CDT1: variants seen among roughly 807,000 people sequenced by gnomAD.
CDT1 encodes the protein chromatin licensing and DNA replication factor 1.
CDT1 carries 66 observed loss-of-function variants against 49.3 expected under a neutral mutation model. The ratio of observed to expected loss-of-function variants is 1.34; its 90% CI spans 1.10 to 1.64. CDT1 has a LOEUF of 1.64. Ranked by LOEUF, CDT1 falls within the 40% of genes most tolerant of loss-of-function variation. The pLI is 0.00. For synonymous variants in CDT1, 424 were observed against 347.4 expected, an observed-to-expected ratio of 1.22 and a Z score of -2.45; for missense variants, 958 against 807.7, an observed-to-expected ratio of 1.19 and a Z score of -2.26.
Position 88,805,638 on chromosome 16 carries a change from G to A in CDT1, c.686+1G>A. ...GGGGCGTCCAGGACATGATGCGTAG[G>A]TGAGTGGCCGGGGGTGGGCTGTGGC... is the stretch of plus-strand genomic sequence containing the variant. On this transcript the variant is annotated splice_donor_variant, in intron 4 of 9. Coordinates refer to ENST00000301019, the MANE Select transcript of CDT1 (RefSeq NM_030928.4). LOFTEE classifies it high-confidence loss of function. 6.2e-7 allele frequency: 1 copy of A among 1,612,702 alleles called. No homozygotes were observed. Among genetic ancestry groups the A allele is most frequent in the Non-Finnish European group, 8.5e-7 (1 of 1,179,966 alleles).
Position 88,803,924 on chromosome 16 carries a change from CCCCGCCAGG to C in CDT1, c.99_107del (p.Arg34_Ala36del). 7.4e-7 allele frequency: 1 copy of C among 1,357,990 alleles called. No individual in the cohort carries two copies. The allele number at this position is 1,357,990 out of a possible 1,614,324, so 84.1% of individuals were successfully genotyped here. On this transcript the variant is annotated inframe_deletion, in exon 1 of 10. Transcript: ENST00000301019. The stretch of plus-strand genomic sequence containing the variant: ...CCAAGCTGGCCTGCCGCACCCCCAG[CCCCGCCAGG>C]CCCGCACTCCGCGCCCCGGCCTCCG...
rs3218726 is a variant in CDT1 at position 88,806,428 on chromosome 16, T to C, written c.934-58T>C. On this transcript the variant is annotated intron_variant, in intron 6 of 9. Transcript: ENST00000301019. ...GACGTAAGCACAGGCCTACCTCACA[T>C]GCAGTCTGCCCTTGTCTCAGATGTG... is the stretch of plus-strand genomic sequence containing the variant. 121,553 of 1,576,976 alleles carry C rather than the reference T, an allele frequency of 0.077. 6,379 individuals are homozygous for C. The highest frequency in any genetic ancestry group is 0.23 in the African/African-American group (16,875 of 74,248).
chr16:88,804,154 G>A, intron 1 of CDT1, 95 bp downstream of exon 1: 1 of 860,866 alleles, frequency 1.2e-6, no homozygotes, highest in Non-Finnish European at 1.6e-6. Context: ...GGAGGGACGG[G>A]GGCGGGGAAA....
intron 5 of CDT1, 37 bp downstream of exon 5, chr16:88,805,906 G>A (rs370316073): frequency 1.2e-6 from 2 of 1,609,522 alleles, no homozygotes; most frequent in Non-Finnish European, 1.7e-6. Context: ...TTCCCCATCT[G>A]TGAGCCGCAC....
Position 88,803,840 on chromosome 16 carries a change from G to C in CDT1, c.9G>C (p.Gln3His), listed in dbSNP as rs1294161828. 4 of 1,508,124 alleles carry C rather than the reference G, an allele frequency of 2.7e-6. No individual in the cohort carries two copies. The highest frequency in any genetic ancestry group is 3.5e-6 in the Non-Finnish European group (4 of 1,128,964). 93.4% of individuals were successfully genotyped at this position (1,508,124 alleles called of 1,614,324 possible). A position where few individuals can be genotyped will look rare whatever the true frequency, so the allele number is the denominator to read the frequency against. The part of the protein sequence containing the change: ME[Q>H]RRVTDFFARR... ...CCGCGCACTCCGCCGCCATGGAGCA[G>C]CGCCGCGTCACCGACTTCTTCGCGC... Residue 3 changes from glutamine to histidine, a missense_variant, in exon 1 of 10, where the codon CAG becomes CAC. Gln to His is a conservative substitution (Grantham distance 24, BLOSUM62 0). Coordinates refer to ENST00000301019, the MANE Select transcript of CDT1 (RefSeq NM_030928.4).
chr16:88,806,410 G>A, intron 6 of CDT1, 76 bp from the exon 7 acceptor site: 6 of 1,533,560 alleles, frequency 3.9e-6, no homozygotes, highest in Admixed American at 1.8e-5. Flanking sequence ...TGGGACGTAA[G>A]CACAGGCCTA....
rs139633564 is a variant in CDT1 at position 88,808,158 on chromosome 16, G to A, written c.1521G>A (p.Pro507=). 1.5e-3 allele frequency: 2,355 copies of A among 1,612,770 alleles called. 34 individuals are homozygous for A. In the African/African-American group the frequency reaches 0.025, roughly 17 times the overall value. ...KHLLLLSELL[P]DWLSLHRIRT... ...TGCTGCTCCTCTCCGAGCTGCTGCC[G>A]GACTGGCTCAGCCTCCACCGCATCC... is the stretch of plus-strand genomic sequence containing the variant. Residue 507 remains proline, a synonymous_variant, in exon 10 of 10, where the codon CCG becomes CCA. Transcript: ENST00000301019.
chr16:88,805,550 T>G lies in CDT1; in HGVS notation c.599T>G (p.Met200Arg). The change falls in exon 4 of 10, where the codon ATG (methionine) becomes AGG (arginine). Residue 200 changes from methionine to arginine, a missense_variant. Physicochemically the swap from Met to Arg is moderately conservative, Grantham distance 91. Coordinates refer to ENST00000301019, the MANE Select transcript of CDT1 (RefSeq NM_030928.4). ...YQVLAEMFRS[M>R]DTIVGMLHNR... The stretch of plus-strand genomic sequence containing the variant: ...GTGCTGGCGGAGATGTTCCGCAGCA[T>G]GGACACCATCGTGGGCATGCTCCAC... 1 of 1,612,892 alleles carries G rather than the reference T, an allele frequency of 6.2e-7. No individual in the cohort carries two copies. The highest frequency in any genetic ancestry group is 8.5e-7 in the Non-Finnish European group (1 of 1,179,960).
At position 88,806,510 on chromosome 16, in the gene CDT1, G is replaced by A. The variant is rs139116876; in HGVS notation, c.958G>A (p.Ala320Thr). The A allele has an allele frequency of 5.6e-5, 91 of 1,610,814 alleles. No homozygotes were observed. The African/African-American group carries it at 9.6e-4, about 17-fold the overall frequency. Reference protein sequence around the residue: ...HKAFLASLSPAMVVPEDQLTR... With the variant: ...HKAFLASLSPTMVVPEDQLTR... Reference sequence around the variant, plus strand: ...GGCCTTCCTGGCCTCCCTGAGCCCCGCCATGGTGGTGCCGGAGGACCAGCT... The same window carrying A: ...GGCCTTCCTGGCCTCCCTGAGCCCCACCATGGTGGTGCCGGAGGACCAGCT... The change falls in exon 7 of 10, where the codon GCC (alanine) becomes ACC (threonine). Residue 320 changes from alanine to threonine, a missense_variant. Ala to Thr is a moderately conservative substitution (Grantham distance 58). Transcript: ENST00000301019.
intron 3 of CDT1, 135 bp from the exon 4 acceptor site, chr16:88,805,305 T>A (rs909114336): frequency 3.0e-6 from 3 of 1,010,984 alleles, no homozygotes; most frequent in Non-Finnish European, 4.5e-6. Context: ...TGCTGGTGGG[T>A]GTGCAAGGGC....
intron 1 of CDT1, 124 bp downstream of exon 1, chr16:88,804,183 C>T: frequency 1.4e-6 from 1 of 703,430 alleles, no homozygotes; most frequent in South Asian, 3.1e-5. Flanking sequence ...GGGGACGGGG[C>T]GCAGGGAACT....
chr16:88,805,681 T>A, intron 4 of CDT1, 43 bp from the exon 5 acceptor site: 3 of 1,611,872 alleles, frequency 1.9e-6, no homozygotes, highest in Non-Finnish European at 2.5e-6. Context: ...GAGTTGGGGG[T>A]GGGCCCGGGC....
In CDT1 at chr16:88,805,463, A is replaced by G. The variant is rs765752707; in HGVS notation, c.512A>G (p.Gln171Arg). The change falls in exon 4 of 10, where the codon CAG (glutamine) becomes CGG (arginine). Residue 171 changes from glutamine to arginine, a missense_variant. Transcript: ENST00000301019. Reference sequence around the variant, plus strand: ...AGTGGCGAGAAGGCGCCCGCCTACCAGCGCTTCCATGCCCTGGCCCAGCCC... The same window carrying G: ...AGTGGCGAGAAGGCGCCCGCCTACCGGCGCTTCCATGCCCTGGCCCAGCCC... ...EPCGEKAPAY[Q>R]RFHALAQPGL... The G allele has an allele frequency of 1.3e-5, 21 of 1,612,638 alleles. No individual in the cohort carries two copies. The South Asian group carries it at 2.1e-4, about 16-fold the overall frequency.
chr16:88,807,441 G>A lies in CDT1; in HGVS notation c.1436G>A (p.Cys479Tyr). The change falls in exon 9 of 10, where the codon TGT becomes TAT. Residue 479 changes from cysteine to tyrosine, a missense_variant. Transcript: ENST00000301019. ...CCTGCGCTCAGCATGGAGGTGGCCT[G>A]TGCCAGGATGGTGGGCAGCTGTTGT... is the stretch of plus-strand genomic sequence containing the variant. ...RKPALSMEVACARMVGSCCTI... is the reference protein window; with the variant it reads ...RKPALSMEVAYARMVGSCCTI... 1 of 1,613,210 alleles carries A rather than the reference G, an allele frequency of 6.2e-7. No individual in the cohort carries two copies. Among genetic ancestry groups the A allele is most frequent in the Non-Finnish European group, 8.5e-7 (1 of 1,179,990 alleles).
chr16:88,805,847 C>T lies in CDT1; in HGVS notation c.810C>T (p.Thr270=). Residue 270 remains threonine (T), a synonymous_variant, in exon 5 of 10, where the codon ACC becomes ACT. Transcript: ENST00000301019. ...DGTRRSDYQL[T]IEPLLEQEAD... ...CCAGGAGGTCAGATTACCAGCTCAC[C>T]ATCGAGCCACTGCTGGAGCAGGGTG... is the stretch of plus-strand genomic sequence containing the variant. 1 of 1,612,818 alleles carries T rather than the reference C, an allele frequency of 6.2e-7. No individual in the cohort carries two copies. The highest frequency in any genetic ancestry group is 8.5e-7 in the Non-Finnish European group (1 of 1,179,952).
In CDT1 at chr16:88,806,383, G is replaced by A. The variant is rs1159854128; in HGVS notation, c.934-103G>A. ...GCACTGGGCAGAGGCTGAGTGACTT[G>A]CCCGAGGCGGCCCGGCTGGGACGTA... On this transcript the variant is annotated intron_variant, in intron 6 of 9. Coordinates refer to ENST00000301019, the MANE Select transcript of CDT1 (RefSeq NM_030928.4). 6.4e-5 allele frequency: 88 copies of A among 1,374,112 alleles called. No homozygotes were observed. The East Asian group carries it at 2.1e-3, about 33-fold the overall frequency. 85.1% of individuals were successfully genotyped at this position (1,374,112 alleles called of 1,614,324 possible). A position where few individuals can be genotyped will look rare whatever the true frequency, so the allele number is the denominator to read the frequency against.
intron 6 of CDT1, 87 bp from the exon 7 acceptor site, chr16:88,806,399 C>T (rs1908856770): frequency 6.7e-7 from 1 of 1,485,694 alleles, no homozygotes; most frequent in Non-Finnish European, 9.1e-7. Flanking sequence ...GGCGGCCCGG[C>T]TGGGACGTAA....
In CDT1 at chr16:88,807,105, G is replaced by T. The variant is rs531159541; in HGVS notation, c.1177G>T (p.Gly393Trp). The T allele has an allele frequency of 6.2e-7, 1 of 1,612,782 alleles. No individual in the cohort carries two copies. Among genetic ancestry groups the T allele is most frequent in the Admixed American group, 1.7e-5 (1 of 60,030 alleles). Residue 393 changes from glycine to tryptophan, a missense_variant, in exon 8 of 10, where the codon GGG becomes TGG. Physicochemically the swap from Gly to Trp is radical, Grantham distance 184. Transcript: ENST00000301019. ...ALRSAAPSSP[G>W]SPRPALPATP... ...GCGCTCTGCTGCGCCCAGCAGCCCC[G>T]GGTCTCCCAGGCCAGCACTGCCGGC... is the stretch of plus-strand genomic sequence containing the variant.
Position 88,808,176 on chromosome 16 carries a change from C to T in CDT1, c.1539C>T (p.His513=). The T allele has an allele frequency of 1.2e-6, 2 of 1,612,884 alleles. No homozygotes were observed. The highest frequency in any genetic ancestry group is 2.2e-5 in the South Asian group (2 of 91,046). Residue 513 remains histidine (H), a synonymous_variant, in exon 10 of 10, where the codon CAC becomes CAT. Coordinates refer to ENST00000301019, the MANE Select transcript of CDT1 (RefSeq NM_030928.4). ...SELLPDWLSL[H]RIRTDTYVKL... ...TGCTGCCGGACTGGCTCAGCCTCCA[C>T]CGCATCCGCACCGACACCTACGTCA...
Sources: allele counts gnomAD v4.1 joint callset, GRCh38; gene constraint gnomAD v4.1.1; transcripts MANE v1.5; gene names NCBI Gene and HGNC (gene_info 2026-07-23, HGNC 2026-07-21).